Variants in MYLK3 observed in about 807,000 individuals in gnomAD.
The protein encoded by MYLK3 is myosin light chain kinase 3, also known as MLC kinase.
Under a neutral mutation model 76.3 loss-of-function variants are expected in MYLK3, and 55 were observed. That is an observed-to-expected ratio of 0.72 (90% confidence interval 0.58 to 0.90). The LOEUF is 0.90. MYLK3 is among the 40% of genes least tolerant of loss of function. The pLI, the probability that MYLK3 is intolerant of heterozygous loss-of-function variation, is 0.00. For missense variants in MYLK3, 973 were observed against 1,053.6 expected (o/e 0.92, Z 1.06); for synonymous variants, 416 against 425.4 (o/e 0.98, Z 0.27).
intron 9 of MYLK3, among the ~76,000 whole-genome samples, chr16:46,715,920 G>C (rs140985720): frequency 1.5e-3 from 229 of 152,322 alleles, no homozygotes; most frequent in Non-Finnish European, 1.7e-3. Flanking sequence ...AACCCCCACA[G>C]ATCCTCTTGG....
chr16:46,732,769 C>A, intron 3 of MYLK3, 101 bp from the exon 4 acceptor site: 1 of 959,820 alleles, frequency 1.0e-6, no homozygotes, highest in Non-Finnish European at 1.5e-6. Context: ...TTGACAATGG[C>A]CCTGGGGCCC....
chr16:46,746,633 T>C (rs1330947056), intron 1 of MYLK3, among the ~76,000 whole-genome samples: 1 of 152,142 alleles, frequency 6.6e-6, no homozygotes, highest in Non-Finnish European at 1.5e-5. Flanking sequence ...CTATGTTGCC[T>C]AGGCTGGTCT....
rs757982087 is a variant in MYLK3 at position 46,727,365 on chromosome 16, AC to A, written c.1784del (p.Gly595ValfsTer14). On this transcript the variant is annotated frameshift_variant, in exon 8 of 13. Transcript: ENST00000394809. LOFTEE classifies it high-confidence loss of function. ...CATCTGTGATCCGGTCGAAGAGCTC[AC>A]CCCCGTCCACGCTGCCAGAGCAAAG... ...CTLVMEYVDGGELFDRITDEK... is the reference protein window; with the variant it reads ...CTLVMEYVDGXELFDRITDEK... 1.9e-6 allele frequency: 3 copies of A among 1,608,564 alleles called. No individual in the cohort carries two copies. Among genetic ancestry groups the A allele is most frequent in the Non-Finnish European group, 2.6e-6 (3 of 1,175,682 alleles).
In MYLK3 at chr16:46,737,703, C is replaced by T. The variant is rs1329499859; in HGVS notation, c.1001+8G>A. The T allele has an allele frequency of 6.3e-7, 1 of 1,588,770 alleles. No individual in the cohort carries two copies. Among genetic ancestry groups the T allele is most frequent in the Non-Finnish European group, 8.6e-7 (1 of 1,164,244 alleles). On this transcript the variant is annotated splice_region_variant and intron_variant, in intron 3 of 12. Transcript: ENST00000394809. Reference sequence around the variant, plus strand: ...CTCCCTCACCCAGCCTGGAAGAGCTCCCCTTACCTTGGAGGTGTTTCTCCA... The same window carrying T: ...CTCCCTCACCCAGCCTGGAAGAGCTTCCCTTACCTTGGAGGTGTTTCTCCA...
Position 46,722,866 on chromosome 16 carries a change from C to A in MYLK3, c.1915-1673G>T, listed in dbSNP as rs181241338. Among the ~76,000 whole-genome samples the A allele has an allele frequency of 5.5e-4, 84 of 152,248 alleles. 1 individual carries two copies. Among genetic ancestry groups the A allele is most frequent in the Admixed American group, 2.9e-3 (45 of 15,296 alleles). On this transcript the variant is annotated intron_variant, in intron 8 of 12. Coordinates refer to ENST00000394809, the MANE Select transcript of MYLK3 (RefSeq NM_182493.3). ...CTGGGATTACAGGTGTGGGCCACCA[C>A]ACCCAGCAAATTTGTTTGTATTTTT...
At chr16:46,716,710 C>T (rs1202083159) in intron 9 of MYLK3, among the ~76,000 whole-genome samples, 1 of 152,162 alleles carries the variant, frequency 6.6e-6, no homozygotes, top group African/African-American at 2.4e-5. Flanking sequence ...GTCCTGCCCC[C>T]TACCCTAAAG....
At chr16:46,737,591 C>A in intron 3 of MYLK3, 120 bp downstream of exon 3, 7 of 982,608 alleles carry the variant, frequency 7.1e-6, no homozygotes, top group Non-Finnish European at 8.9e-6. Context: ...GCCTCCTCCC[C>A]ATTCCCCTCG....
intron 1 of MYLK3, among the ~76,000 whole-genome samples, chr16:46,760,910 G>A (rs1967268239): frequency 6.6e-6 from 1 of 152,164 alleles, no homozygotes; most frequent in South Asian, 2.1e-4. Flanking sequence ...ATGGGTAAGG[G>A]CAGAGGAGGG....
At chr16:46,726,666 AG>A (rs1443853155) in intron 8 of MYLK3, 1 of 18,172 alleles carries the variant, frequency 5.5e-5, no homozygotes, top group Non-Finnish European at 1.4e-4. Flanking sequence ...AGAAAGAAAA[AG>A]AAAGAAAGAG....
chr16:46,743,673 C>T (rs1966971341), intron 1 of MYLK3, among the ~76,000 whole-genome samples: 1 of 152,234 alleles, frequency 6.6e-6, no homozygotes, highest in African/African-American at 2.4e-5. Flanking sequence ...AGCTCTATGA[C>T]TTCCCTTACC....
rs772833701 is a variant in MYLK3, at chr16:46,755,906, C to CTTTT, written c.-114+7130_-114+7133dup. On this transcript the variant is annotated intron_variant, in intron 1 of 11. Coordinates refer to the MYLK3 transcript ENST00000536476. Reference sequence around the variant, plus strand: ...TAGAGTTCTTTTTTCTTTTTTCTTTCTTTTTTTTTTTTTTTTTTTGAGATG... The same window carrying CTTTT: ...TAGAGTTCTTTTTTCTTTTTTCTTTCTTTTTTTTTTTTTTTTTTTTTTTGAGATG... Among the ~76,000 whole-genome samples, 35 of 109,758 alleles carry CTTTT rather than the reference C, an allele frequency of 3.2e-4. 1 individual carries two copies. Among genetic ancestry groups the CTTTT allele is most frequent in the African/African-American group, 4.5e-4 (12 of 26,488 alleles). The allele number at this position is 109,758 out of a possible 152,430, so 72.0% of individuals were successfully genotyped here.
intron 8 of MYLK3, among the ~76,000 whole-genome samples, chr16:46,722,857 G>T (rs1307839147): frequency 6.6e-6 from 1 of 152,072 alleles, no homozygotes; most frequent in Non-Finnish European, 1.5e-5. Context: ...TTACAGGTGT[G>T]GGCCACCACA....
chr16:46,712,855 T>G, intron 9 of MYLK3, 79 bp from the exon 10 acceptor site: 1 of 1,382,888 alleles, frequency 7.2e-7, no homozygotes, highest in Non-Finnish European at 9.6e-7. Flanking sequence ...TCTGGTGGGA[T>G]GCAGACATTC....
At chr16:46,714,755 T>C (rs1350202429) in intron 9 of MYLK3, among the ~76,000 whole-genome samples, 1 of 152,134 alleles carries the variant, frequency 6.6e-6, no homozygotes, top group Admixed American at 6.5e-5. Context: ...CCATCAGAGC[T>C]TGTCCTCTCC....
intron 10 of MYLK3, 156 bp from the exon 11 acceptor site, chr16:46,710,945 C>A: frequency 1.3e-6 from 1 of 798,798 alleles, no homozygotes. Flanking sequence ...GGATGGAGTC[C>A]AGTGTGTTCA....
In MYLK3 at chr16:46,729,623, T is replaced by C. The variant is rs185999875; in HGVS notation, c.1633A>G (p.Ile545Val). The change falls in exon 6 of 13, where the codon ATC becomes GTC. Residue 545 changes from isoleucine (I) to valine (V), a missense_variant. Transcript: ENST00000394809. ...TCCTTGGCGCTCTTCACTTTGATGA[T>C]CTTGGCAGCCAGTGGGAGGCCTGTG... ...KSTGLPLAAK[I>V]IKVKSAKDRE... 1 of 1,613,760 alleles carries C rather than the reference T, an allele frequency of 6.2e-7. No individual in the cohort carries two copies. The highest frequency in any genetic ancestry group is 1.3e-5 in the African/African-American group (1 of 74,952).
At chr16:46,731,315 CTTGT>C (rs911489880) in intron 4 of MYLK3, among the ~76,000 whole-genome samples, 5 of 152,102 alleles carry the variant, frequency 3.3e-5, no homozygotes, top group African/African-American at 7.2e-5. Flanking sequence ...GAAAGGTTTG[CTTGT>C]TTGTTTGTTT....
intron 1 of MYLK3, among the ~76,000 whole-genome samples, chr16:46,758,298 ACACACACTCTCTCTCTCTCTCTCTCTCT>A (rs1345025914): frequency 0.011 from 643 of 56,226 alleles, 3 homozygotes; most frequent in African/African-American, 0.047. Context: ...ACACACACAC[ACACACACTCTCTCTCTCTCTCTCTCTCT>A]CTCTCTCTCT....
chr16:46,754,248 A>G (rs1328834435), intron 1 of MYLK3, among the ~76,000 whole-genome samples: 2 of 152,112 alleles, frequency 1.3e-5, no homozygotes, highest in African/African-American at 2.4e-5. Context: ...GAAATACTAC[A>G]GTCATTATGC....
Sources: gnomAD v4.1 joint callset for allele counts (sites outside exome capture counted in the v4.1 genomes callset) on GRCh38, gnomAD v4.1.1 for gene constraint, MANE v1.5 for transcripts, NCBI Gene and HGNC (gene_info 2026-07-23, HGNC 2026-07-21) for gene names.